The following DYNC2H1 variants were observed in gnomAD, a reference collection of about 807,000 sequenced individuals.
DYNC2H1 encodes the protein cytoplasmic dynein 2 heavy chain 1.
In DYNC2H1, 410 loss-of-function variants were observed where a neutral mutation model predicts 570.0. The observed-to-expected ratio is 0.72, with a 90% confidence interval of 0.66 to 0.78. The LOEUF is 0.78. Ranked by LOEUF, DYNC2H1 falls within the 30% of genes least tolerant of loss-of-function variation. DYNC2H1 has a pLI of 0.00. For missense variants in DYNC2H1, 4,865 were observed against 5,046.4 expected (o/e 0.96, Z 1.09); for synonymous variants, 1,688 against 1,677.6 (o/e 1.01, Z -0.15).
intron 53 of DYNC2H1, among the ~76,000 whole-genome samples, chr11:103,211,295 G>A (rs1863145138): frequency 1.3e-5 from 2 of 151,970 alleles, no homozygotes; most frequent in Non-Finnish European, 2.9e-5. Flanking sequence ...TCGGTGAGAG[G>A]AATATAATGT....
chr11:103,321,184 A>G lies in DYNC2H1; in HGVS notation c.11881A>G (p.Lys3961Glu). 2 of 1,611,926 alleles carry G rather than the reference A, an allele frequency of 1.2e-6. No homozygotes were observed. The highest frequency in any genetic ancestry group is 1.3e-5 in the African/African-American group (1 of 75,024). ...SVIDVFNQRNKKSIFPYSVSL... is the reference protein window; with the variant it reads ...SVIDVFNQRNEKSIFPYSVSL... ...TATTGATGTATTCAACCAAAGGAAC[A>G]AGAAAAGCATTTTTCCATATTCCGT... Residue 3961 changes from lysine (K) to glutamate (E), a missense_variant, in exon 81 of 89, where the codon AAG becomes GAG. By Grantham distance (56) the Lys-to-Glu change is moderately conservative (BLOSUM62 1). Transcript: ENST00000375735.
In DYNC2H1 at chr11:103,461,311, TA is replaced by T. The variant is rs200327332; in HGVS notation, c.12648+4959del. On this transcript the variant is annotated intron_variant, in intron 87 of 88. Coordinates refer to ENST00000375735, the MANE Select transcript of DYNC2H1 (RefSeq NM_001377.3). This position sits in a 1 kb window ranked among gnomAD's most constrained non-coding sequence, Gnocchi z 4.8. ...TCACTATAATTTTATTAGTTTTTTT[TA>T]AAATCTCTATCACCATAGACTGAAT... is the stretch of plus-strand genomic sequence containing the variant. Among the ~76,000 whole-genome samples, 1 of 152,228 alleles carries T rather than the reference TA, an allele frequency of 6.6e-6. No homozygotes were observed. Among genetic ancestry groups the T allele is most frequent in the African/African-American group, 2.4e-5 (1 of 41,462 alleles).
chr11:103,109,848 A>G, intron 1 of DYNC2H1, 79 bp downstream of exon 1: 1 of 1,420,236 alleles, frequency 7.0e-7, no homozygotes, highest in Non-Finnish European at 9.5e-7. Flanking sequence ...GTCGGGTCAC[A>G]CTCTTTAGCT....
chr11:103,390,439 G>T, intron 83 of DYNC2H1, among the ~76,000 whole-genome samples: 1 of 151,866 alleles, frequency 6.6e-6, no homozygotes, highest in Admixed American at 6.6e-5. Flanking sequence ...GATGGGTCTT[G>T]ACTCTTTATC....
Position 103,209,938 on chromosome 11 carries a change from A to T in DYNC2H1, c.8517A>T (p.Lys2839Asn). 1 of 1,497,782 alleles carries T rather than the reference A, an allele frequency of 6.7e-7. No individual in the cohort carries two copies. Among genetic ancestry groups the T allele is most frequent in the Non-Finnish European group, 8.9e-7 (1 of 1,122,544 alleles). The allele number at this position is 1,497,782 out of a possible 1,614,324, so 92.8% of individuals were successfully genotyped here. ...GGEKYNDKKR[K>N]EEKKKNSVDP... ...AAAAATACAATGATAAAAAACGAAAAGAAGAAAAGAAAAAAAATTCAGGTA... is the reference window on the plus strand; with the variant it reads ...AAAAATACAATGATAAAAAACGAAATGAAGAAAAGAAAAAAAATTCAGGTA... Residue 2839 changes from lysine to asparagine, a missense_variant, in exon 53 of 89, where the codon AAA becomes AAT. Lys to Asn is a moderately conservative substitution (Grantham distance 94, BLOSUM62 0). Around this residue, in one of 5 missense-constraint regions of DYNC2H1, gnomAD observed 2,401 missense variants for 2,454.6 expected, o/e 0.98. Coordinates refer to ENST00000375735, the MANE Select transcript of DYNC2H1 (RefSeq NM_001377.3). This position sits in a 1 kb window ranked among gnomAD's most constrained non-coding sequence, Gnocchi z 4.2.
In DYNC2H1 at chr11:103,345,110, G is replaced by A. The variant is rs74792073; in HGVS notation, c.12040-13133G>A. Among the ~76,000 whole-genome samples the A allele has an allele frequency of 3.2e-3, 480 of 152,288 alleles. 3 individuals are homozygous for A. Among genetic ancestry groups the A allele is most frequent in the African/African-American group, 0.011 (455 of 41,562 alleles). On this transcript the variant is annotated intron_variant, in intron 82 of 88. Transcript: ENST00000375735. ...TTTTCGAACATTATAAAGCAGTGTT[G>A]CAAGGGATGTCCTAGGATTTGCTTT...
chr11:103,323,904 G>A lies in DYNC2H1; in HGVS notation c.11953G>A (p.Glu3985Lys), dbSNP rs997823014. The A allele has an allele frequency of 3.1e-6, 5 of 1,612,140 alleles. No individual in the cohort carries two copies. The highest frequency in any genetic ancestry group is 3.4e-6 in the Non-Finnish European group (4 of 1,178,930). ...CSILDYRAVI[E>K]KIPEDDKPSF... ...TATTTAGGACTATCGTGCTGTCATT[G>A]AGAAAATTCCAGAGGACGACAAACC... The change falls in exon 82 of 89, where the codon GAG becomes AAG. Residue 3985 changes from glutamate to lysine, a missense_variant. By Grantham distance (56) the Glu-to-Lys change is moderately conservative (BLOSUM62 1). Transcript: ENST00000375735.
chr11:103,222,487 C>T (rs931935878), intron 58 of DYNC2H1, among the ~76,000 whole-genome samples: 3 of 151,956 alleles, frequency 2.0e-5, no homozygotes, highest in Non-Finnish European at 4.4e-5. Flanking sequence ...TGTTTTAGGA[C>T]AGTGGTATCT....
chr11:103,344,176 C>T lies in DYNC2H1; in HGVS notation c.12040-14067C>T, dbSNP rs569223345. Reference sequence around the variant, plus strand: ...ATTTGAATCAACATTTACATAAACACGAAATCTTTCTGTAGAGATTTTAGA... The same window carrying T: ...ATTTGAATCAACATTTACATAAACATGAAATCTTTCTGTAGAGATTTTAGA... On this transcript the variant is annotated intron_variant, in intron 82 of 88. Transcript: ENST00000375735. 9.2e-5 allele frequency among the ~76,000 whole-genome samples: 14 copies of T among 152,268 alleles called. No individual in the cohort carries two copies. The South Asian group carries it at 1.2e-3, about 14-fold the overall frequency.
chr11:103,315,179 T>C (rs1204339196), intron 79 of DYNC2H1, among the ~76,000 whole-genome samples: 2 of 152,094 alleles, frequency 1.3e-5, no homozygotes, highest in Middle Eastern at 3.2e-3. Context: ...TGTTTGCATA[T>C]CTGGCAGTTG....
intron 82 of DYNC2H1, among the ~76,000 whole-genome samples, chr11:103,330,813 A>G (rs1938746097): frequency 6.6e-6 from 1 of 152,106 alleles, no homozygotes; most frequent in Non-Finnish European, 1.5e-5. Flanking sequence ...GCACCAGCAG[A>G]GTCAGACACT....
At chr11:103,213,969 G>GT (rs1863267181) in intron 54 of DYNC2H1, among the ~76,000 whole-genome samples, 1 of 152,032 alleles carries the variant, frequency 6.6e-6, no homozygotes. Context: ...CAGGTCTTTT[G>GT]TTTAAGTCTT....
intron 4 of DYNC2H1, among the ~76,000 whole-genome samples, chr11:103,116,364 A>G (rs776567363): frequency 6.6e-5 from 10 of 152,098 alleles, no homozygotes; most frequent in South Asian, 2.1e-4. Context: ...ATTTTTATAT[A>G]TTCTTTCTTT....
At chr11:103,138,696 C>T (rs1042546845) in intron 17 of DYNC2H1, among the ~76,000 whole-genome samples, 3 of 152,050 alleles carry the variant, frequency 2.0e-5, no homozygotes, top group East Asian at 1.9e-4. Context: ...TGTCTCTGCC[C>T]GGCTTTGGTG....
At chr11:103,385,767 A>G (rs1416690702) in intron 83 of DYNC2H1, among the ~76,000 whole-genome samples, 2 of 152,308 alleles carry the variant, frequency 1.3e-5, no homozygotes, top group African/African-American at 2.4e-5. Flanking sequence ...ATTCAGTCAC[A>G]TTACATTTCC....
At chr11:103,444,146 A>AC (rs138061403) in intron 85 of DYNC2H1, among the ~76,000 whole-genome samples, 22,260 of 151,526 alleles carry the variant, frequency 0.15, 1,851 homozygotes, top group East Asian at 0.26. Flanking sequence ...TTTAATATTT[A>AC]TCTTGCTATT....
chr11:103,443,594 G>T (rs117465487), intron 85 of DYNC2H1, among the ~76,000 whole-genome samples: 2,076 of 151,632 alleles, frequency 0.014, 28 homozygotes, highest in Admixed American at 0.023. Context: ...AGCTTAGCAA[G>T]CCTCAGAACT....
chr11:103,424,974 C>A (rs1943616435), intron 84 of DYNC2H1, among the ~76,000 whole-genome samples: 1 of 152,194 alleles, frequency 6.6e-6, no homozygotes, highest in East Asian at 1.9e-4. Context: ...CTCACTCTGT[C>A]ACCTAGGCAG....
chr11:103,421,344 C>T (rs1349317651), intron 84 of DYNC2H1, among the ~76,000 whole-genome samples: 2 of 152,044 alleles, frequency 1.3e-5, no homozygotes, highest in African/African-American at 4.8e-5. Context: ...AGCTAAGGAT[C>T]AGGTGGATGT....
Sources: gnomAD v4.1 joint callset for allele counts (sites outside exome capture counted in the v4.1 genomes callset) on GRCh38, gnomAD v4.1.1 for gene constraint, gnomAD v4.1.1 regional missense constraint, Gnocchi (gnomAD v3.1) non-coding constraint, MANE v1.5 for transcripts, NCBI Gene and HGNC (gene_info 2026-07-23, HGNC 2026-07-21) for gene names.